A2ML1: variants seen among roughly 807,000 people sequenced by gnomAD.
A2ML1 encodes alpha-2-macroglobulin-like protein 1.
A neutral mutation model predicts 181.9 loss-of-function variants in A2ML1; 161 were observed. The ratio of observed to expected loss-of-function variants is 0.89; its 90% CI spans 0.78 to 1.01. A2ML1 has a LOEUF of 1.01. A2ML1 is among the 50% of genes least tolerant of loss of function. A2ML1 has a pLI of 0.00. For missense variants in A2ML1, 1,670 were observed against 1,768.1 expected, an observed-to-expected ratio of 0.94 and a Z score of 1.00; for synonymous variants, 663 against 666.8, an observed-to-expected ratio of 0.99 and a Z score of 0.09.
intron 18 of A2ML1, 84 bp from the exon 19 acceptor site, chr12:8,851,700 C>T (rs1337757763): frequency 7.6e-7 from 1 of 1,309,790 alleles, no homozygotes; most frequent in African/African-American, 1.5e-5. Flanking sequence ...GCCAGCACAC[C>T]CCACCGAATT....
chr12:8,857,143 C>T, intron 23 of A2ML1, 21 bp from the exon 24 acceptor site: 1 of 1,606,562 alleles, frequency 6.2e-7, no homozygotes, highest in Non-Finnish European at 8.5e-7. Context: ...CCTACCTTCT[C>T]TCTCTCCTTT....
chr12:8,842,146 G>A (rs1461238826), intron 11 of A2ML1, among the ~76,000 whole-genome samples: 2 of 152,164 alleles, frequency 1.3e-5, no homozygotes, highest in Non-Finnish European at 2.9e-5. Flanking sequence ...TATTCTTATG[G>A]CAGTGATGAG....
intron 3 of A2ML1, among the ~76,000 whole-genome samples, chr12:8,824,945 A>T (rs1252961802): frequency 6.6e-6 from 1 of 151,986 alleles, no homozygotes; most frequent in East Asian, 1.9e-4. Flanking sequence ...GCTGAATAGT[A>T]CTCCATTATG....
At chr12:8,835,119 A>T (rs1943230096) in intron 5 of A2ML1, among the ~76,000 whole-genome samples, 2 of 152,202 alleles carry the variant, frequency 1.3e-5, no homozygotes, top group South Asian at 4.1e-4. Flanking sequence ...TTTTCCATTA[A>T]ATCACCCATG....
chr12:8,854,608 G>A (rs1335731321), intron 21 of A2ML1, among the ~76,000 whole-genome samples, 172 bp from the exon 22 acceptor site: 2 of 149,260 alleles, frequency 1.3e-5, no homozygotes, highest in African/African-American at 2.5e-5. Context: ...TACAGAAAGG[G>A]CCCATCCTTG....
Position 8,822,701 on chromosome 12 carries a change from C to G in A2ML1, c.50C>G (p.Ala17Gly), listed in dbSNP as rs1391269221. The change falls in exon 1 of 36, where the codon GCA (alanine) becomes GGA (glycine). Residue 17 changes from alanine to glycine, a missense_variant. Physicochemically the swap from Ala to Gly is moderately conservative, Grantham distance 60. Transcript: ENST00000299698. ...LGMLALSPAI[A>G]EELPNYLVTL... ...ATGTTGGCCCTATCACCAGCCATTG[C>G]AGAAGAACTTCCGTGAGTGCTTGGT... 1.2e-6 allele frequency: 2 copies of G among 1,614,152 alleles called. No individual in the cohort carries two copies. Among genetic ancestry groups the G allele is most frequent in the East Asian group, 4.5e-5 (2 of 44,888 alleles).
At chr12:8,866,989 T>C (rs1204985362) in intron 29 of A2ML1, among the ~76,000 whole-genome samples, 7 of 152,240 alleles carry the variant, frequency 4.6e-5, no homozygotes, top group African/African-American at 1.7e-4. Flanking sequence ...CACTGTACCA[T>C]GCTCACTTAG....
intron 18 of A2ML1, among the ~76,000 whole-genome samples, chr12:8,850,492 G>C (rs771959655): frequency 9.2e-5 from 14 of 152,162 alleles, no homozygotes; most frequent in Non-Finnish European, 1.5e-4. Flanking sequence ...AGGATCACTT[G>C]AGTCTGGGAG....
intron 29 of A2ML1, among the ~76,000 whole-genome samples, chr12:8,866,681 A>G (rs952368323): frequency 1.3e-5 from 2 of 152,214 alleles, no homozygotes; most frequent in African/African-American, 2.4e-5. Context: ...GCTCCAGTCC[A>G]CAAAAGGTAA....
rs192116059 is a variant in A2ML1 at position 8,881,839 on chromosome 12, G to A, written c.*94+1223G>A. On this transcript the variant is annotated intron_variant and NMD_transcript_variant, in intron 7 of 7. Coordinates refer to the A2ML1 transcript ENST00000537475. ...ATCCTGGCTAACACGGTGAAACCCC[G>A]TCTGTACTAAAAATACAAAAAATTA... Among the ~76,000 whole-genome samples, 693 of 151,942 alleles carry A rather than the reference G, an allele frequency of 4.6e-3. 9 individuals are homozygous for A. Among genetic ancestry groups the A allele is most frequent in the Non-Finnish European group, 4.9e-3 (334 of 67,956 alleles).
In A2ML1 at chr12:8,845,888, AT is replaced by A. The variant is rs1462200301; in HGVS notation, c.1538-188del. On this transcript the variant is annotated intron_variant, in intron 13 of 35. Transcript: ENST00000299698. ...AATAAATAAAATAAAATAAAATAAA[AT>A]AAAAAAATTCTTATCCACAGAAGTA... Among the ~76,000 whole-genome samples, 407 of 106,790 alleles carry A rather than the reference AT, an allele frequency of 3.8e-3. 26 individuals are homozygous for A. Among genetic ancestry groups the A allele is most frequent in the African/African-American group, 0.017 (384 of 22,428 alleles). 70.1% of individuals were successfully genotyped at this position (106,790 alleles called of 152,430 possible).
chr12:8,855,226 A>C (rs746590920), intron 22 of A2ML1, among the ~76,000 whole-genome samples: 3 of 152,204 alleles, frequency 2.0e-5, no homozygotes, highest in Non-Finnish European at 2.9e-5. Flanking sequence ...GGAGGAATGC[A>C]TAGTACCAGA....
chr12:8,857,145 C>G lies in A2ML1; in HGVS notation c.2849-19C>G, dbSNP rs2136912170. ...TCTTCTCTGTACCCCTACCTTCTCT[C>G]TCTCCTTTTGGATCCCAGGAGACAT... On this transcript the variant is annotated intron_variant, in intron 23 of 35. Coordinates refer to ENST00000299698, the MANE Select transcript of A2ML1 (RefSeq NM_144670.6). 1.2e-6 allele frequency: 2 copies of G among 1,606,746 alleles called. No homozygotes were observed. The highest frequency in any genetic ancestry group is 1.7e-6 in the Non-Finnish European group (2 of 1,176,188).
At chr12:8,838,307 T>C (rs750178152) in intron 8 of A2ML1, 29 bp from the exon 9 acceptor site, 1 of 1,509,388 alleles carries the variant, frequency 6.6e-7, no homozygotes, top group Non-Finnish European at 9.2e-7. Context: ...TCATCTGCTC[T>C]CTATCTCTGT....
rs1384540673 is a variant in A2ML1, at chr12:8,869,159, A to G, written c.4177A>G (p.Lys1393Glu). Residue 1393 changes from lysine to glutamate, a missense_variant, in exon 33 of 36, where the codon AAG becomes GAG. Physicochemically the swap from Lys to Glu is moderately conservative, Grantham distance 56. Coordinates refer to ENST00000299698, the MANE Select transcript of A2ML1 (RefSeq NM_144670.6). ...QLLLQQPLVK[K>E]VEFGTDTLNI... Reference sequence around the variant, plus strand: ...GCTTCTCCAGCAACCCCTGGTGAAGAAGGTTGAATTTGGAACTGACACACT... The same window carrying G: ...GCTTCTCCAGCAACCCCTGGTGAAGGAGGTTGAATTTGGAACTGACACACT... 1 of 1,613,968 alleles carries G rather than the reference A, an allele frequency of 6.2e-7. No homozygotes were observed. The highest frequency in any genetic ancestry group is 2.2e-5 in the East Asian group (1 of 44,866).
At chr12:8,823,504 A>C in intron 2 of A2ML1, 139 bp downstream of exon 2, 2 of 1,113,998 alleles carry the variant, frequency 1.8e-6, no homozygotes, top group Non-Finnish European at 2.5e-6. Context: ...CTTAACCTCA[A>C]TCCCCGGCTA....
chr12:8,870,378 C>T (rs1944579131), intron 33 of A2ML1, among the ~76,000 whole-genome samples: 1 of 150,966 alleles, frequency 6.6e-6, no homozygotes, highest in Non-Finnish European at 1.5e-5. Flanking sequence ...TGCCATTCTC[C>T]TGCCTCAGCC....
rs761769559 is a variant in A2ML1, at chr12:8,838,380, C to G, written c.900C>G (p.Thr300=). The change falls in exon 9 of 36, where the codon ACC becomes ACG. Residue 300 remains threonine, a synonymous_variant. Coordinates refer to ENST00000299698, the MANE Select transcript of A2ML1 (RefSeq NM_144670.6). Reference sequence around the variant, plus strand: ...TCTCAGCACCTGTGGACATGGCCACCTTTGACCTCATTGGATATGCGTACA... The same window carrying G: ...TCTCAGCACCTGTGGACATGGCCACGTTTGACCTCATTGGATATGCGTACA... ...GCFSAPVDMA[T]FDLIGYAYSH... The G allele has an allele frequency of 1.2e-6, 2 of 1,613,762 alleles. No individual in the cohort carries two copies. The highest frequency in any genetic ancestry group is 2.7e-5 in the African/African-American group (2 of 74,916).
chr12:8,874,646 G>A (rs1944743877), intron 34 of A2ML1, 119 bp downstream of exon 34: 14 of 758,982 alleles, frequency 1.8e-5, no homozygotes, highest in Non-Finnish European at 2.8e-5. Flanking sequence ...AAGCCAAGTA[G>A]CACATAATTA....
Sources: gnomAD v4.1 joint callset for allele counts (sites outside exome capture counted in the v4.1 genomes callset) on GRCh38, gnomAD v4.1.1 for gene constraint, MANE v1.5 for transcripts, NCBI Gene and HGNC (gene_info 2026-07-23, HGNC 2026-07-21) for gene names.